The following CHN2 variants were observed in gnomAD, a reference collection of about 807,000 sequenced individuals.
CHN2 encodes the protein chimerin 2.
CHN2 carries 35 observed loss-of-function variants against 56.3 expected under a neutral mutation model. The observed-to-expected ratio is 0.62, with a 90% CI of 0.47 to 0.82. The LOEUF (loss-of-function observed/expected upper bound fraction) is 0.82, where lower values mean the gene tolerates loss of function less well. Among genes scored for constraint, CHN2 ranks in the 40% least tolerant of loss-of-function variants. CHN2 has a pLI of 0.00. For missense variants in CHN2, 491 were observed against 580.5 expected, an observed-to-expected ratio of 0.85 and a Z score of 1.58; for synonymous variants, 210 against 212.8, an observed-to-expected ratio of 0.99 and a Z score of 0.12.
At chr7:29,493,605 A>G (rs565772424) in intron 7 of CHN2, among the ~76,000 whole-genome samples, 1 of 152,084 alleles carries the variant, frequency 6.6e-6, no homozygotes, top group East Asian at 1.9e-4. Flanking sequence ...ATCTCAGCAA[A>G]TGGTATCATC....
chr7:29,232,631 A>C (rs1786803431), intron 1 of CHN2, among the ~76,000 whole-genome samples: 1 of 151,916 alleles, frequency 6.6e-6, no homozygotes, highest in Non-Finnish European at 1.5e-5. Flanking sequence ...ATTTATTTCC[A>C]TCCAAGAATA....
At position 29,513,033 on chromosome 7, in the gene CHN2, C is replaced by G; in HGVS notation, c.*298C>G. On this transcript the variant is annotated 3_prime_UTR_variant, in exon 13 of 13. Transcript: ENST00000222792. ...TAATTTATTAAAAAACAATGTAGAC[C>G]TTTAAACTTCAGTCTTATTGGTAAT... 4.2e-6 allele frequency: 1 copy of G among 240,524 alleles called. No individual in the cohort carries two copies. 14.9% of individuals were successfully genotyped at this position (240,524 alleles called of 1,614,324 possible).
intron 1 of CHN2, among the ~76,000 whole-genome samples, chr7:29,241,715 G>A (rs1399589342): frequency 1.3e-5 from 2 of 152,110 alleles, no homozygotes; most frequent in Non-Finnish European, 2.9e-5. Context: ...AGAGTGCCAG[G>A]TAGTAGGTCC....
chr7:29,225,973 CTA>C (rs1454608375), intron 1 of CHN2, among the ~76,000 whole-genome samples: 7 of 152,236 alleles, frequency 4.6e-5, no homozygotes, highest in African/African-American at 1.7e-4. Flanking sequence ...TAGAATTAAA[CTA>C]ACACAGAAAG....
chr7:29,323,772 C>T (rs930489845), intron 1 of CHN2, among the ~76,000 whole-genome samples: 1 of 151,700 alleles, frequency 6.6e-6, no homozygotes, highest in Non-Finnish European at 1.5e-5. Context: ...CCGAGGCGGG[C>T]GGATCACGAG....
intron 11 of CHN2, 73 bp downstream of exon 11, chr7:29,507,438 A>G: frequency 8.7e-7 from 1 of 1,155,620 alleles, no homozygotes; most frequent in Non-Finnish European, 1.2e-6. Flanking sequence ...CAGATAATTA[A>G]AACTCAGAAC....
chr7:29,354,493 A>G (rs902270503), intron 1 of CHN2, 132 bp from the exon 2 acceptor site: 2 of 758,912 alleles, frequency 2.6e-6, no homozygotes, highest in Non-Finnish European at 4.4e-6. Context: ...ACTGCTCCCT[A>G]AATGAGAAGA....
intron 3 of CHN2, among the ~76,000 whole-genome samples, chr7:29,383,213 G>C (rs1269861471): frequency 6.6e-6 from 1 of 152,062 alleles, no homozygotes; most frequent in Non-Finnish European, 1.5e-5. Context: ...CAGAGAAATA[G>C]AACCAATTGT....
rs191851357 is a variant in CHN2, at chr7:29,252,319, G to T, written c.49+57329G>T. On this transcript the variant is annotated intron_variant, in intron 1 of 12. Transcript: ENST00000222792. ...TTCTTCTGCCTCAGCCTCCCGAGTA[G>T]CTGGGACTACAGGCACCCGCCACCA... 8.6e-3 allele frequency among the ~76,000 whole-genome samples: 1,295 copies of T among 150,720 alleles called. 8 individuals carry two copies. The highest frequency in any genetic ancestry group is 0.013 in the Non-Finnish European group (858 of 67,832).
At chr7:29,288,554 A>G (rs74475785) in intron 1 of CHN2, among the ~76,000 whole-genome samples, 1 of 152,196 alleles carries the variant, frequency 6.6e-6, no homozygotes, top group African/African-American at 2.4e-5. Context: ...TCAAAAATCC[A>G]TGTGGTCTTC....
intron 1 of CHN2, among the ~76,000 whole-genome samples, chr7:29,271,678 T>G (rs1250420564): frequency 6.6e-6 from 1 of 152,204 alleles, no homozygotes; most frequent in African/African-American, 2.4e-5. Flanking sequence ...TTTCAGACAT[T>G]GGTTATCCAG....
chr7:29,276,639 C>T (rs1791240035), intron 1 of CHN2, among the ~76,000 whole-genome samples: 1 of 152,204 alleles, frequency 6.6e-6, no homozygotes, highest in Non-Finnish European at 1.5e-5. Flanking sequence ...AAATAAATCA[C>T]TTGGCACTTC....
At chr7:29,398,343 T>C (rs1554286219) in intron 4 of CHN2, 30 bp from the exon 5 acceptor site, 7 of 1,507,018 alleles carry the variant, frequency 4.6e-6, no homozygotes. Context: ...ATGTGGTCTG[T>C]TCAGAGCATT....
At chr7:29,341,814 C>G (rs1224700653) in intron 1 of CHN2, among the ~76,000 whole-genome samples, 1 of 152,200 alleles carries the variant, frequency 6.6e-6, no homozygotes, top group Non-Finnish European at 1.5e-5. Context: ...ACTGCTGATT[C>G]CTCCTATGGG....
At chr7:29,343,820 G>A (rs1414222219) in intron 1 of CHN2, among the ~76,000 whole-genome samples, 2 of 151,792 alleles carry the variant, frequency 1.3e-5, no homozygotes, top group Non-Finnish European at 2.9e-5. Context: ...GCTGCCATAT[G>A]TATGCTGGGG....
chr7:29,175,179 C>CTT (rs141269641), intron 2 of CHN2, among the ~76,000 whole-genome samples: 2 of 143,052 alleles, frequency 1.4e-5, no homozygotes, highest in South Asian at 2.3e-4. Flanking sequence ...TTTCTTTTTC[C>CTT]TTTTTTTTTT....
intron 12 of CHN2, among the ~76,000 whole-genome samples, chr7:29,511,910 C>T (rs542161617): frequency 1.3e-5 from 2 of 152,260 alleles, no homozygotes; most frequent in East Asian, 3.9e-4. Context: ...AAAGGCTCTG[C>T]AGTTCTTACC....
chr7:29,483,106 C>G (rs1163923497), intron 7 of CHN2, among the ~76,000 whole-genome samples: 1 of 152,100 alleles, frequency 6.6e-6, no homozygotes, highest in East Asian at 1.9e-4. Flanking sequence ...CAGGCGTGAG[C>G]CACCGCGCCC....
intron 1 of CHN2, among the ~76,000 whole-genome samples, chr7:29,300,076 G>A (rs961119697): frequency 5.3e-5 from 8 of 152,242 alleles, no homozygotes; most frequent in Non-Finnish European, 1.2e-4. Flanking sequence ...TCCCTTTGCA[G>A]TGGGGAGGAG....
Sources: gnomAD v4.1 joint callset for allele counts (sites outside exome capture counted in the v4.1 genomes callset) on GRCh38, gnomAD v4.1.1 for gene constraint, MANE v1.5 for transcripts, NCBI Gene and HGNC (gene_info 2026-07-23, HGNC 2026-07-21) for gene names.